NPC1: variants seen among roughly 807,000 people sequenced by gnomAD.
NPC1 encodes the protein Niemann-Pick C1 protein.
Under a neutral mutation model 140.4 loss-of-function variants are expected in NPC1, and 85 were observed. The ratio of observed to expected loss-of-function variants is 0.61; its 90% CI spans 0.51 to 0.72. The LOEUF is 0.72. Ranked by LOEUF, NPC1 falls within the 30% of genes least tolerant of loss-of-function variation. NPC1 has a pLI of 0.00. For missense variants in NPC1, 1,504 were observed against 1,623.8 expected, an observed-to-expected ratio of 0.93 and a Z score of 1.27; for synonymous variants, 656 against 624.8, an observed-to-expected ratio of 1.05 and a Z score of -0.74.
At chr18:23,533,311 A>C in intron 24 of NPC1, 44 bp downstream of exon 24, 1 of 1,549,590 alleles carries the variant, frequency 6.5e-7, no homozygotes, top group Non-Finnish European at 8.9e-7. Flanking sequence ...CCCTTTCAGT[A>C]ATGTCCTTCT....
intron 13 of NPC1, 141 bp downstream of exon 13, chr18:23,544,203 G>A: frequency 1.2e-6 from 1 of 807,952 alleles, no homozygotes. Context: ...TCCACAGCAA[G>A]TCAAGACGAC....
At chr18:23,517,580 A>C (rs2058042427), downstream of NPC1, among the ~76,000 whole-genome samples, 1 of 152,216 alleles carries the variant, frequency 6.6e-6, no homozygotes, top group Admixed American at 6.5e-5. Flanking sequence ...CAATAGTCAA[A>C]ATTTTGCTTC....
In NPC1 at chr18:23,533,409, A is replaced by G; in HGVS notation, c.3700T>C (p.Leu1234=). 6.2e-7 allele frequency: 1 copy of G among 1,614,236 alleles called. No individual in the cohort carries two copies. Among genetic ancestry groups the G allele is most frequent in the Non-Finnish European group, 8.5e-7 (1 of 1,180,032 alleles). ...FYFRMYLAMV[L]LGATHGLIFL... is the part of the protein sequence containing the mutation. Reference sequence around the variant, plus strand: ...ATTAATCCGTGAGTGGCTCCCAGTAAGACCATGGCCAAATACATCCTGAAG... The same window carrying G: ...ATTAATCCGTGAGTGGCTCCCAGTAGGACCATGGCCAAATACATCCTGAAG... Residue 1234 remains leucine (L), a synonymous_variant, in exon 24 of 25, where the codon TTA becomes CTA. Coordinates refer to ENST00000269228, the MANE Select transcript of NPC1 (RefSeq NM_000271.5).
At chr18:23,537,566 C>T (rs1042431485) in intron 20 of NPC1, among the ~76,000 whole-genome samples, 1 of 152,196 alleles carries the variant, frequency 6.6e-6, no homozygotes, top group African/African-American at 2.4e-5. Flanking sequence ...AGCAAAATGA[C>T]CACCTCTGAG....
At chr18:23,513,455 T>C (rs1045639868) in intron 3 of NPC1, among the ~76,000 whole-genome samples, 2 of 152,218 alleles carry the variant, frequency 1.3e-5, no homozygotes, top group Admixed American at 6.5e-5. Context: ...TGAGGGACAT[T>C]TGGGTTGCTT....
chr18:23,580,397 T>C (rs764528662), intron 1 of NPC1, among the ~76,000 whole-genome samples: 2 of 152,240 alleles, frequency 1.3e-5, no homozygotes, highest in Non-Finnish European at 2.9e-5. Context: ...GTCCCATCCA[T>C]GATGATCCTA....
chr18:23,524,506 G>A (rs144205739), downstream of NPC1: 84 of 1,611,796 alleles, frequency 5.2e-5, no homozygotes, highest in Middle Eastern at 1.7e-3. Context: ...GACAGTTGTC[G>A]TGTTACAACA....
chr18:23,527,611 T>A (rs1199106663), downstream of NPC1, among the ~76,000 whole-genome samples: 1 of 150,510 alleles, frequency 6.6e-6, no homozygotes. Context: ...TTTTTTTTTT[T>A]AACCGTAACC....
chr18:23,544,757 T>C (rs542556305), intron 12 of NPC1, among the ~76,000 whole-genome samples: 3 of 152,280 alleles, frequency 2.0e-5, no homozygotes, highest in South Asian at 4.1e-4. Context: ...AACTGGATTA[T>C]GTGAAATAAA....
downstream of NPC1, chr18:23,520,204 A>G (rs373900077): frequency 2.7e-5 from 43 of 1,613,286 alleles, 1 homozygote; most frequent in South Asian, 1.3e-4. Context: ...CCCCCCAGAC[A>G]TCGGTAATAT....
downstream of NPC1, among the ~76,000 whole-genome samples, chr18:23,521,281 G>A (rs568235528): frequency 6.6e-6 from 1 of 152,342 alleles, no homozygotes; most frequent in South Asian, 2.1e-4. Context: ...TCTTCCCTGA[G>A]CTTTAGAATG....
At chr18:23,540,685 T>C in intron 16 of NPC1, 148 bp from the exon 17 acceptor site, 1 of 701,608 alleles carries the variant, frequency 1.4e-6, no homozygotes. Context: ...GGGCAGTGGG[T>C]GAGACCACAG....
Position 23,535,508 on chromosome 18 carries a change from G to A in NPC1, c.3438C>T (p.Gly1146=), listed in dbSNP as rs757484167. 2 of 1,613,838 alleles carry A rather than the reference G, an allele frequency of 1.2e-6. No individual in the cohort carries two copies. The highest frequency in any genetic ancestry group is 1.7e-6 in the Non-Finnish European group (2 of 1,179,848). ...CCAAGGATACAGCGTTCAGACTGAT[G>A]CCCCAGAGCCACATAACTCCAAACA... The part of the protein sequence containing the change: ...VNMFGVMWLW[G]ISLNAVSLVN... Residue 1146 remains glycine (G), a synonymous_variant, in exon 22 of 25, where the codon GGC becomes GGT. Transcript: ENST00000269228.
In NPC1 at chr18:23,557,150, T is replaced by G. The variant is rs777813999; in HGVS notation, c.922A>C (p.Asn308His). 6 of 1,613,768 alleles carry G rather than the reference T, an allele frequency of 3.7e-6. No homozygotes were observed. The Admixed American group carries it at 1.0e-4, about 27-fold the overall frequency. Reference sequence around the variant, plus strand: ...CTTGCATTAACAGAAAAAGCTATATTGCTATCGATGGGAGTGTACTCGGAG... The same window carrying G: ...CTTGCATTAACAGAAAAAGCTATATGGCTATCGATGGGAGTGTACTCGGAG... ...FVSEYTPIDS[N>H]IAFSVNASDK... Residue 308 changes from asparagine (N) to histidine (H), a missense_variant, in exon 7 of 25, where the codon AAT (asparagine) becomes CAT (histidine). Asn to His is a moderately conservative substitution (Grantham distance 68). Coordinates refer to ENST00000269228, the MANE Select transcript of NPC1 (RefSeq NM_000271.5).
At chr18:23,565,774 T>C (rs1442533477) in intron 4 of NPC1, among the ~76,000 whole-genome samples, 2 of 152,256 alleles carry the variant, frequency 1.3e-5, no homozygotes, top group Admixed American at 6.5e-5. Flanking sequence ...GAAATACAAC[T>C]GATTTTTGTA....
rs2058571774 is a variant in NPC1 at position 23,533,423 on chromosome 18, T to C, written c.3686A>G (p.Tyr1229Cys). Residue 1229 changes from tyrosine to cysteine, a missense_variant, in exon 24 of 25, where the codon TAT becomes TGT. Transcript: ENST00000269228. ...GGCTCCCAGTAAGACCATGGCCAAA[T>C]ACATCCTGAAGTAGAATATCTGGAA... The part of the protein sequence containing the change: ...QIFQIFYFRM[Y>C]LAMVLLGATH... 1.2e-6 allele frequency: 2 copies of C among 1,614,126 alleles called. No homozygotes were observed. The highest frequency in any genetic ancestry group is 1.7e-6 in the Non-Finnish European group (2 of 1,179,992).
rs1389569405 is a variant in NPC1 at position 23,540,475 on chromosome 18, T to C, written c.2577A>G (p.Gly859=). The change falls in exon 17 of 25, where the codon GGA becomes GGG. Residue 859 remains glycine, a synonymous_variant. Transcript: ENST00000269228. Reference sequence around the variant, plus strand: ...CTGGCATCGAAAGAGACTGATCCAATCCAATATCTACTTTGTTCAGGACTG... The same window carrying C: ...CTGGCATCGAAAGAGACTGATCCAACCCAATATCTACTTTGTTCAGGACTG... The part of the protein sequence containing the change: ...SIAVLNKVDI[G]LDQSLSMPDD... 1 of 1,602,986 alleles carries C rather than the reference T, an allele frequency of 6.2e-7. No individual in the cohort carries two copies.
chr18:23,553,126 A>G (rs983184662), intron 9 of NPC1, among the ~76,000 whole-genome samples: 1 of 152,216 alleles, frequency 6.6e-6, no homozygotes, highest in Non-Finnish European at 1.5e-5. Flanking sequence ...TGCCACCAGG[A>G]GCCTGCCACT....
intron 1 of NPC1, among the ~76,000 whole-genome samples, chr18:23,574,326 C>T (rs2059244461): frequency 6.6e-6 from 1 of 152,078 alleles, no homozygotes; most frequent in Non-Finnish European, 1.5e-5. Flanking sequence ...ACAATGGACT[C>T]AGAAAGCCAC....
Sources: allele counts gnomAD v4.1 joint callset (sites outside exome capture counted in the v4.1 genomes callset), GRCh38; gene constraint gnomAD v4.1.1; transcripts MANE v1.5; gene names NCBI Gene and HGNC (gene_info 2026-07-23, HGNC 2026-07-21).